TDRKH: variants seen among roughly 807,000 people sequenced by gnomAD.
The protein encoded by TDRKH is tudor and KH domain-containing protein.
Under a neutral mutation model 61.3 loss-of-function variants are expected in TDRKH, and 28 were observed. That is an observed-to-expected ratio of 0.46 (90% confidence interval 0.34 to 0.63). The LOEUF is 0.63. Ranked by LOEUF, TDRKH falls within the 20% of genes least tolerant of loss-of-function variation. TDRKH has a pLI of 0.01. For synonymous variants in TDRKH, 219 were observed against 244.4 expected (o/e 0.90, Z 0.97); for missense variants, 540 against 683.4 (o/e 0.79, Z 2.34).
At chr1:151,772,714 A>T (rs1161197258), downstream of TDRKH, among the ~76,000 whole-genome samples, 1 of 151,120 alleles carries the variant, frequency 6.6e-6, no homozygotes, top group Non-Finnish European at 1.5e-5. Flanking sequence ...AATTTTGCAA[A>T]AAGTTTACAG....
In TDRKH at chr1:151,781,998, G is replaced by C. The variant is rs767955820; in HGVS notation, c.125-411C>G. 4.6e-5 allele frequency: 21 copies of C among 457,690 alleles called. 1 individual carries two copies. The highest frequency in any genetic ancestry group is 3.3e-4 in the South Asian group (21 of 64,462). 28.4% of individuals were successfully genotyped at this position (457,690 alleles called of 1,614,324 possible). A position where few individuals can be genotyped will look rare whatever the true frequency, so the allele number is the denominator to read the frequency against. On this transcript the variant is annotated intron_variant, in intron 2 of 12. Coordinates refer to ENST00000368824, the MANE Select transcript of TDRKH (RefSeq NM_001083965.2). ...CCTATTCTCTAGATCCAGCCTTTGA[G>C]GTAAGTGCCTTCTACTAACAACTAA...
At chr1:151,772,316 T>C (rs1294636275), downstream of TDRKH, among the ~76,000 whole-genome samples, 1 of 151,772 alleles carries the variant, frequency 6.6e-6, no homozygotes, top group Admixed American at 6.6e-5. Context: ...GGTCTCGAAC[T>C]CCTGAGCTCA....
At position 151,774,043 on chromosome 1, in the gene TDRKH, G is replaced by C. The variant is rs1207691897; in HGVS notation, c.*409C>G. The C allele has an allele frequency of 1.6e-5, 3 of 184,268 alleles. No individual in the cohort carries two copies. The highest frequency in any genetic ancestry group is 3.4e-5 in the Non-Finnish European group (3 of 88,836). 11.4% of individuals were successfully genotyped at this position (184,268 alleles called of 1,614,324 possible). The stretch of plus-strand genomic sequence containing the variant: ...ATTCAAACACTGGAGGGTTGGGGAG[G>C]GATCCGGAGGTGGAATGGGGGAGAC... On this transcript the variant is annotated 3_prime_UTR_variant, in exon 13 of 13. Transcript: ENST00000368824.
intron 1 of TDRKH, among the ~76,000 whole-genome samples, chr1:151,787,995 A>T (rs923709169): frequency 2.1e-5 from 3 of 145,176 alleles, no homozygotes; most frequent in East Asian, 2.0e-4. Flanking sequence ...CAAGGGGTTT[A>T]AAAAAAAAAA....
chr1:151,787,363 C>T (rs1401567464), intron 1 of TDRKH, among the ~76,000 whole-genome samples: 1 of 152,146 alleles, frequency 6.6e-6, no homozygotes, highest in Non-Finnish European at 1.5e-5. Flanking sequence ...GGACGACAGG[C>T]ACCTGCCACC....
At chr1:151,767,966 C>G, downstream of TDRKH, 1 of 1,505,874 alleles carries the variant, frequency 6.6e-7, no homozygotes, top group Non-Finnish European at 9.0e-7. Context: ...CCAGGCTCTC[C>G]CCATCAATGC....
At chr1:151,767,103 C>T (rs1648391389), downstream of TDRKH, 2 of 1,594,832 alleles carry the variant, frequency 1.3e-6, no homozygotes, top group East Asian at 2.2e-5. Flanking sequence ...GAGCCTGGTA[C>T]TGTGTATCTT....
intron 1 of TDRKH, among the ~76,000 whole-genome samples, chr1:151,785,373 A>C (rs2101619320): frequency 1.3e-5 from 2 of 152,258 alleles, no homozygotes; most frequent in African/African-American, 4.8e-5. Context: ...CCCTGCTCTA[A>C]AACACCATTA....
Position 151,774,491 on chromosome 1 carries a change from C to T in TDRKH, c.1647G>A (p.Met549Ile). The change falls in exon 13 of 13, where the codon ATG becomes ATA. Residue 549 changes from methionine (M) to isoleucine (I), a missense_variant. Met to Ile is a conservative substitution (Grantham distance 10). This residue lies in a region of TDRKH where 379 missense variants were observed against 443.8 expected (regional missense o/e 0.85). Coordinates refer to ENST00000368824, the MANE Select transcript of TDRKH (RefSeq NM_001083965.2). ...CATCTTCAAGGTTATCATCACCAGA[C>T]ATGGAAGCAGCTTCTATTGAAGATA... ...SCLSLSEAAS[M>I]SGDDNLEDDY... 1 of 1,614,144 alleles carries T rather than the reference C, an allele frequency of 6.2e-7. No homozygotes were observed.
chr1:151,766,574 C>A, downstream of TDRKH: 1 of 758,912 alleles, frequency 1.3e-6, no homozygotes, highest in Non-Finnish European at 2.1e-6. Context: ...GGTAGATAAG[C>A]AGCAGAGTGG....
At chr1:151,770,962 T>C, downstream of TDRKH, 1 of 1,425,890 alleles carries the variant, frequency 7.0e-7, no homozygotes, top group Non-Finnish European at 9.3e-7. Flanking sequence ...ACATCCTATA[T>C]GCCTGCACTA....
At chr1:151,768,274 G>A (rs756005418), downstream of TDRKH, 3 of 1,575,468 alleles carry the variant, frequency 1.9e-6, no homozygotes, top group Non-Finnish European at 2.6e-6. Flanking sequence ...GGAATAGGTA[G>A]GGGATTTCAC....
At chr1:151,786,889 C>T (rs995840570) in intron 1 of TDRKH, among the ~76,000 whole-genome samples, 10 of 152,198 alleles carry the variant, frequency 6.6e-5, no homozygotes, top group Admixed American at 3.9e-4. Context: ...TGTTCTCTCC[C>T]GACCTTTTTA....
downstream of TDRKH, chr1:151,766,706 G>A: frequency 6.4e-7 from 1 of 1,551,602 alleles, no homozygotes; most frequent in Non-Finnish European, 8.7e-7. Flanking sequence ...CCACAGGGAG[G>A]CACTGAACTG....
chr1:151,774,538 C>T, intron 12 of TDRKH, 34 bp from the exon 13 acceptor site: 1 of 1,612,948 alleles, frequency 6.2e-7, no homozygotes, highest in Non-Finnish European at 8.5e-7. Flanking sequence ...GAAAGTTAGA[C>T]ACTGCCCTAT....
chr1:151,770,246 G>A (rs768996444), downstream of TDRKH: 7 of 1,613,380 alleles, frequency 4.3e-6, no homozygotes, highest in East Asian at 2.2e-5. Context: ...CAGAATGATC[G>A]GAACGACAGA....
chr1:151,783,004 A>G lies in TDRKH; in HGVS notation c.19T>C (p.Ser7Pro), dbSNP rs1252841980. The change falls in exon 2 of 13, where the codon TCT (serine) becomes CCT (proline). Residue 7 changes from serine (S) to proline (P), a missense_variant. Around this residue, in one of 3 missense-constraint regions of TDRKH, gnomAD observed 156 missense variants for 218.0 expected, o/e 0.72. Transcript: ENST00000368824. The part of the protein sequence containing the change: MSTERT[S>P]WTSLSTIQKI... The stretch of plus-strand genomic sequence containing the variant: ...TGAATGGTGGACAGGCTTGTCCAAG[A>G]AGTCCGTTCAGTAGACATTTTCTGC... 1.9e-6 allele frequency: 3 copies of G among 1,613,060 alleles called. No individual in the cohort carries two copies. The African/African-American group carries it at 4.0e-5, about 22-fold the overall frequency.
At chr1:151,768,362 G>C (rs1419808766), downstream of TDRKH, 2 of 1,354,264 alleles carry the variant, frequency 1.5e-6, no homozygotes, top group Admixed American at 4.5e-5. Context: ...ATGCAGACAA[G>C]CCTGTGAGCT....
intron 2 of TDRKH, 84 bp from the exon 3 acceptor site, chr1:151,781,671 T>C: frequency 8.4e-7 from 1 of 1,194,180 alleles, no homozygotes; most frequent in African/African-American, 1.5e-5. Context: ...AATCTGGCTG[T>C]CAAAGAGACA....
Sources: allele counts gnomAD v4.1 joint callset (sites outside exome capture counted in the v4.1 genomes callset), GRCh38; gene constraint gnomAD v4.1.1; regional missense constraint gnomAD v4.1.1; transcripts MANE v1.5; gene names NCBI Gene and HGNC (gene_info 2026-07-23, HGNC 2026-07-21).